The following SLC7A8 variants were observed in gnomAD, a reference collection of about 807,000 sequenced individuals.
SLC7A8 encodes solute carrier family 7 member 8, also known as large neutral amino acids transporter small subunit 2.
SLC7A8 carries 30 observed loss-of-function variants against 51.2 expected under a neutral mutation model. That is an observed-to-expected ratio of 0.59 (90% CI 0.44 to 0.80). The LOEUF (loss-of-function observed/expected upper bound fraction) is 0.80. SLC7A8 is among the 30% of genes least tolerant of loss of function. The pLI is 0.00. For synonymous variants in SLC7A8, 257 were observed against 275.8 expected, an observed-to-expected ratio of 0.93 and a Z score of 0.67; for missense variants, 612 against 674.4, an observed-to-expected ratio of 0.91 and a Z score of 1.03.
Position 23,165,476 on chromosome 14 carries a change from G to T in SLC7A8, c.357-40C>A, listed in dbSNP as rs756342752. The T allele has an allele frequency of 6.4e-6, 10 of 1,558,690 alleles. No homozygotes were observed. The South Asian group carries it at 1.2e-4, about 19-fold the overall frequency. ...GGACATCCGCCGAAAGGCATGGCAG[G>T]GACGCAGAGCCATCAGGGGAGAGCC... On this transcript the variant is annotated intron_variant, in intron 2 of 10. Transcript: ENST00000316902. The surrounding 1 kb of genome is among the most constrained non-coding windows in gnomAD (Gnocchi z 4.2).
intron 1 of SLC7A8, among the ~76,000 whole-genome samples, chr14:23,181,672 C>G (rs147634926): frequency 1.3e-5 from 2 of 152,228 alleles, no homozygotes; most frequent in African/African-American, 2.4e-5. Flanking sequence ...CAGGACACAA[C>G]GAGCTCTCAT....
chr14:23,162,174 A>G (rs1165597299), intron 3 of SLC7A8, among the ~76,000 whole-genome samples: 1 of 151,958 alleles, frequency 6.6e-6, no homozygotes, highest in Non-Finnish European at 1.5e-5. Context: ...AAAGGGAGAG[A>G]GGAAGTTTGT....
intron 3 of SLC7A8, among the ~76,000 whole-genome samples, chr14:23,154,710 C>G (rs1468702200): frequency 6.6e-6 from 1 of 152,120 alleles, no homozygotes; most frequent in Non-Finnish European, 1.5e-5. Flanking sequence ...GCAGGCCACA[C>G]GGAACAGTCT....
At chr14:23,136,361 C>T (rs1272639882) in intron 7 of SLC7A8, among the ~76,000 whole-genome samples, 3 of 152,182 alleles carry the variant, frequency 2.0e-5, no homozygotes, top group African/African-American at 7.2e-5. Flanking sequence ...TCACGTCCCC[C>T]CTCCACATGC....
intron 3 of SLC7A8, chr14:23,154,278 T>A: frequency 1.0e-6 from 1 of 1,000,370 alleles, no homozygotes; most frequent in South Asian, 4.7e-5. Context: ...GGGCGTTCAC[T>A]TCTCTGCCTT....
At chr14:23,140,815 G>C (rs1206422670) in intron 4 of SLC7A8, among the ~76,000 whole-genome samples, 191 bp from the exon 5 acceptor site, 3 of 152,212 alleles carry the variant, frequency 2.0e-5, no homozygotes, top group African/African-American at 7.2e-5. Flanking sequence ...GGGCTTCCGA[G>C]ACCCCGGAAA....
chr14:23,136,489 C>G (rs2048691347), intron 7 of SLC7A8, among the ~76,000 whole-genome samples: 1 of 152,184 alleles, frequency 6.6e-6, no homozygotes, highest in Non-Finnish European at 1.5e-5. Flanking sequence ...AAGCATAACA[C>G]ACATCCACAC....
At chr14:23,135,626 C>T (rs568552323) in intron 7 of SLC7A8, among the ~76,000 whole-genome samples, 60 of 151,720 alleles carry the variant, frequency 4.0e-4, no homozygotes, top group Non-Finnish European at 5.9e-4. Context: ...GGCGTGAACC[C>T]GGGAGGCAGA....
intron 1 of SLC7A8, among the ~76,000 whole-genome samples, chr14:23,180,124 T>TTAC (rs1877104823): frequency 6.6e-6 from 1 of 152,156 alleles, no homozygotes; most frequent in Non-Finnish European, 1.5e-5. Flanking sequence ...GCCAGGATGG[T>TTAC]CTTGATCTCC....
intron 4 of SLC7A8, among the ~76,000 whole-genome samples, chr14:23,142,258 A>G (rs2048752421): frequency 6.6e-6 from 1 of 152,208 alleles, no homozygotes; most frequent in Admixed American, 6.5e-5. Flanking sequence ...TCATGGTGCC[A>G]TGGGTCCCAT....
rs1028639471 is a variant in SLC7A8, at chr14:23,125,308, T to A, written c.*1869A>T. The A allele has an allele frequency of 2.0e-5, 3 of 152,192 alleles. No homozygotes were observed. The highest frequency in any genetic ancestry group is 7.2e-5 in the African/African-American group (3 of 41,446). 9.4% of individuals were successfully genotyped at this position (152,192 alleles called of 1,614,324 possible). A position where few individuals can be genotyped will look rare whatever the true frequency, so the allele number is the denominator to read the frequency against. On this transcript the variant is annotated 3_prime_UTR_variant, in exon 11 of 11. Transcript: ENST00000316902. Reference sequence around the variant, plus strand: ...AACACCACCAACTTCATTTCCATTTTAAATTTTATTACATCAAAAGAAAAA... The same window carrying A: ...AACACCACCAACTTCATTTCCATTTAAAATTTTATTACATCAAAAGAAAAA...
intron 3 of SLC7A8, among the ~76,000 whole-genome samples, chr14:23,149,485 C>T (rs978685111): frequency 2.6e-5 from 4 of 152,132 alleles, no homozygotes; most frequent in African/African-American, 9.7e-5. Flanking sequence ...TATTTTCTGC[C>T]CCCATGATTT....
chr14:23,166,313 C>T (rs773498553), intron 2 of SLC7A8, 23 bp downstream of exon 2: 4 of 1,607,418 alleles, frequency 2.5e-6, no homozygotes, highest in Middle Eastern at 3.3e-4. Context: ...CTAGACCATT[C>T]AGGTCTCCAC....
chr14:23,143,068 GCGA>G lies in SLC7A8; in HGVS notation c.634+8_634+10del. 1 of 1,613,506 alleles carries G rather than the reference GCGA, an allele frequency of 6.2e-7. No homozygotes were observed. On this transcript the variant is annotated splice_region_variant and intron_variant, in intron 4 of 10. Transcript: ENST00000316902. ...AAGCTGGGCAGTACCTGTTTTTCCT[GCGA>G]TACTCACCTTTGCATATCTGTACAA...
At chr14:23,129,441 C>T (rs1454933772) in intron 9 of SLC7A8, 1 of 547,874 alleles carries the variant, frequency 1.8e-6, no homozygotes, top group African/African-American at 1.9e-5. Flanking sequence ...CTGACTTATT[C>T]CCCAGCTGCA....
At chr14:23,143,523 T>C (rs1282540162) in intron 3 of SLC7A8, among the ~76,000 whole-genome samples, 1 of 152,184 alleles carries the variant, frequency 6.6e-6, no homozygotes, top group East Asian at 1.9e-4. Context: ...GGCTTTGTCT[T>C]CAAGTTATTA....
chr14:23,167,796 A>G (rs533271012), intron 1 of SLC7A8, among the ~76,000 whole-genome samples: 1 of 152,240 alleles, frequency 6.6e-6, no homozygotes, highest in South Asian at 2.1e-4. Context: ...GGTCAGCTGG[A>G]TTTGACTGTG....
intron 3 of SLC7A8, among the ~76,000 whole-genome samples, chr14:23,157,407 C>T (rs2048899667): frequency 6.6e-6 from 1 of 152,210 alleles, no homozygotes; most frequent in Non-Finnish European, 1.5e-5. Context: ...ACCAATCCAT[C>T]CTTTAGCTTT....
chr14:23,131,629 C>A, intron 7 of SLC7A8, 72 bp from the exon 8 acceptor site: 2 of 1,233,852 alleles, frequency 1.6e-6, no homozygotes, highest in Admixed American at 2.9e-5. Context: ...TCATCCTTGC[C>A]TACCTTCTGC....
Sources: gnomAD v4.1 joint callset for allele counts (sites outside exome capture counted in the v4.1 genomes callset) on GRCh38, gnomAD v4.1.1 for gene constraint, Gnocchi (gnomAD v3.1) non-coding constraint, MANE v1.5 for transcripts, NCBI Gene and HGNC (gene_info 2026-07-23, HGNC 2026-07-21) for gene names.